INSRR: variants seen among roughly 807,000 people sequenced by gnomAD.
INSRR encodes insulin receptor-related protein.
A neutral mutation model predicts 130.0 loss-of-function variants in INSRR; 114 were observed. That is an observed-to-expected ratio of 0.88 (90% CI 0.75 to 1.02). The LOEUF (loss-of-function observed/expected upper bound fraction) is 1.02. Ranked by LOEUF, INSRR falls within the 50% of genes least tolerant of loss-of-function variation. INSRR has a pLI of 0.00. For missense variants in INSRR, 1,657 were observed against 1,735.2 expected, an observed-to-expected ratio of 0.95 and a Z score of 0.80; for synonymous variants, 674 against 705.2, an observed-to-expected ratio of 0.96 and a Z score of 0.70.
Position 156,845,244 on chromosome 1 carries a change from T to C in INSRR, c.2269A>G (p.Ser757Gly). 6.2e-7 allele frequency: 1 copy of C among 1,611,154 alleles called. No individual in the cohort carries two copies. Among genetic ancestry groups the C allele is most frequent in the Non-Finnish European group, 8.5e-7 (1 of 1,178,890 alleles). The change falls in exon 12 of 22, where the codon AGC (serine) becomes GGC (glycine). Residue 757 changes from serine (S) to glycine (G), a missense_variant. Physicochemically the swap from Ser to Gly is moderately conservative, Grantham distance 56. Transcript: ENST00000368195. ...TCCTCCTGGATCTCGAAATCCGAGC[T>C]GTTGCCCCCCAGCCGGAGGGGCCCA... Reference protein sequence around the residue: ...AAGPLRLGGNSSDFEIQEDKV... With the variant: ...AAGPLRLGGNGSDFEIQEDKV...
chr1:156,850,216 T>C (rs1225740673), intron 5 of INSRR, among the ~76,000 whole-genome samples: 1 of 151,868 alleles, frequency 6.6e-6, no homozygotes, highest in East Asian at 1.9e-4. Context: ...TGGTTATTTA[T>C]TTATGTATGT....
chr1:156,852,551 C>T lies in INSRR; in HGVS notation c.638-360G>A, dbSNP rs369869789. Reference sequence around the variant, plus strand: ...ATGGTGCCAGGGTGAGCGGGCCAGCCTCTCCTGAGCAGCTAGGCCCAGGGG... The same window carrying T: ...ATGGTGCCAGGGTGAGCGGGCCAGCTTCTCCTGAGCAGCTAGGCCCAGGGG... On this transcript the variant is annotated intron_variant, in intron 2 of 21. Transcript: ENST00000368195. Among the ~76,000 whole-genome samples the T allele has an allele frequency of 1.4e-3, 217 of 152,368 alleles. 7 individuals carry two copies. The South Asian group carries it at 0.044, about 31-fold the overall frequency.
Position 156,845,819 on chromosome 1 carries a change from C to A in INSRR, c.1979-5G>T, listed in dbSNP as rs763153726. 1.2e-6 allele frequency: 2 copies of A among 1,611,464 alleles called. No individual in the cohort carries two copies. Among genetic ancestry groups the A allele is most frequent in the Non-Finnish European group, 1.7e-6 (2 of 1,179,556 alleles). ...TGCTGGTGGGCAGCCGCAAGCCTGG[C>A]GCCGCAGCGGGAAGACACTAGTAAG... On this transcript the variant is annotated splice_polypyrimidine_tract_variant and splice_region_variant and intron_variant, in intron 9 of 21. Coordinates refer to ENST00000368195, the MANE Select transcript of INSRR (RefSeq NM_014215.3).
In INSRR at chr1:156,844,764, T is replaced by A; in HGVS notation, c.2517A>T (p.Pro839=). ...KNSVLLRWLE[P]PDPNGLILKY... Reference sequence around the variant, plus strand: ...TGAGGATGAGTCCGTTGGGGTCTGGTGGCTCGAGCCAGCGCAGAAGGACAC... The same window carrying A: ...TGAGGATGAGTCCGTTGGGGTCTGGAGGCTCGAGCCAGCGCAGAAGGACAC... Residue 839 remains proline, a synonymous_variant, in exon 13 of 22, where the codon CCA becomes CCT. Coordinates refer to ENST00000368195, the MANE Select transcript of INSRR (RefSeq NM_014215.3). 6.2e-7 allele frequency: 1 copy of A among 1,614,144 alleles called. No individual in the cohort carries two copies. Among genetic ancestry groups the A allele is most frequent in the Non-Finnish European group, 8.5e-7 (1 of 1,180,034 alleles).
At chr1:156,846,367 C>T in intron 8 of INSRR, 152 bp downstream of exon 8, 1 of 748,580 alleles carries the variant, frequency 1.3e-6, no homozygotes, top group Non-Finnish European at 2.2e-6. Flanking sequence ...TAGGCAAATG[C>T]TCCCCCTTCT....
rs1192788272 is a variant in INSRR at position 156,858,527 on chromosome 1, G to A, written c.85+10C>T. Reference sequence around the variant, plus strand: ...AGGTAGGGGTCTGGGAGCCAGTTCTGGGGACTCACCCTCTACTGTATCCAG... The same window carrying A: ...AGGTAGGGGTCTGGGAGCCAGTTCTAGGGACTCACCCTCTACTGTATCCAG... On this transcript the variant is annotated intron_variant, in intron 1 of 21. Transcript: ENST00000368195. The A allele has an allele frequency of 6.2e-7, 1 of 1,611,214 alleles. No homozygotes were observed. The highest frequency in any genetic ancestry group is 8.5e-7 in the Non-Finnish European group (1 of 1,177,556).
At chr1:156,844,406 TG>T in intron 14 of INSRR, 55 bp downstream of exon 14, 1 of 1,588,080 alleles carries the variant, frequency 6.3e-7, no homozygotes, top group Admixed American at 1.7e-5. Flanking sequence ...TGTGGTGGGC[TG>T]GGGACCAGGT....
intron 5 of INSRR, among the ~76,000 whole-genome samples, chr1:156,850,274 C>T (rs1035641579): frequency 1.3e-5 from 2 of 152,082 alleles, no homozygotes; most frequent in African/African-American, 2.4e-5. Context: ...TGTAGTGGCA[C>T]GATCTCAGCT....
At chr1:156,851,602 G>T in intron 4 of INSRR, 44 bp downstream of exon 4, 2 of 1,613,578 alleles carry the variant, frequency 1.2e-6, no homozygotes, top group South Asian at 1.1e-5. Context: ...TGGGAGGAAG[G>T]GTATGACCAG....
chr1:156,846,708 G>C lies in INSRR; in HGVS notation c.1621C>G (p.Gln541Glu). The C allele has an allele frequency of 1.2e-6, 2 of 1,614,130 alleles. No individual in the cohort carries two copies. The highest frequency in any genetic ancestry group is 1.7e-6 in the Non-Finnish European group (2 of 1,180,046). Residue 541 changes from glutamine (Q) to glutamate (E), a missense_variant, in exon 8 of 22, where the codon CAG becomes GAG. Coordinates refer to ENST00000368195, the MANE Select transcript of INSRR (RefSeq NM_014215.3). ...TCCACATCCAGCAGGTTCCAGCTCT[G>C]GGTTCCACAAGCATCTGGACCCACG... is the stretch of plus-strand genomic sequence containing the variant. ...EHVGPDACGT[Q>E]SWNLLDVELP...
At chr1:156,856,987 C>G (rs374671535) in intron 1 of INSRR, among the ~76,000 whole-genome samples, 1 of 152,154 alleles carries the variant, frequency 6.6e-6, no homozygotes, top group African/African-American at 2.4e-5. Flanking sequence ...CCCTTCCCAC[C>G]GAGCCCTCCG....
Position 156,844,279 on chromosome 1 carries a change from C to T in INSRR, c.2739G>A (p.Glu913=), listed in dbSNP as rs1654906581. The T allele has an allele frequency of 1.2e-6, 2 of 1,611,872 alleles. No individual in the cohort carries two copies. The highest frequency in any genetic ancestry group is 1.7e-6 in the Non-Finnish European group (2 of 1,178,436). ...DSVAFYILGP[E]EEDAGGLHVL... ...CATGCAGCCCCCCAGCATCCTCCTC[C>T]TCTGGCAGTCAGAGGGCAGCAGAGG... The change falls in exon 15 of 22, where the codon GAG becomes GAA. Residue 913 remains glutamate (E), a splice_region_variant and synonymous_variant. Coordinates refer to ENST00000368195, the MANE Select transcript of INSRR (RefSeq NM_014215.3).
chr1:156,842,574 T>C (rs1654840839), intron 17 of INSRR, 66 bp from the exon 18 acceptor site: 2 of 1,217,748 alleles, frequency 1.6e-6, no homozygotes, highest in Non-Finnish European at 2.4e-6. Flanking sequence ...AAAATTCTGA[T>C]CTGCTATGAC....
intron 8 of INSRR, 132 bp from the exon 9 acceptor site, chr1:156,846,251 C>T (rs1332341840): frequency 2.0e-6 from 2 of 993,570 alleles, no homozygotes; most frequent in African/African-American, 3.3e-5. Flanking sequence ...CCCCTGGCTT[C>T]CTAGAACTCA....
At chr1:156,842,575 C>A (rs768683236) in intron 17 of INSRR, 67 bp from the exon 18 acceptor site, 1 of 1,167,506 alleles carries the variant, frequency 8.6e-7, no homozygotes, top group South Asian at 1.2e-5. Context: ...AAATTCTGAT[C>A]TGCTATGACC....
chr1:156,843,389 C>G (rs780628018), intron 16 of INSRR, 38 bp downstream of exon 16: 1 of 1,609,254 alleles, frequency 6.2e-7, no homozygotes, highest in Non-Finnish European at 8.5e-7. Flanking sequence ...TCCTGTCTCC[C>G]TTTCCCACAC....
At chr1:156,849,141 T>C in intron 6 of INSRR, 94 bp from the exon 7 acceptor site, 1 of 1,598,734 alleles carries the variant, frequency 6.3e-7, no homozygotes, top group Non-Finnish European at 8.5e-7. Flanking sequence ...GTGAGACCTC[T>C]GAGGAGAACT....
chr1:156,856,673 C>G lies in INSRR; in HGVS notation c.85+1864G>C, dbSNP rs976326987. ...ATTGTTGTATACATCTCTGTCACCC[C>G]CTCCAAGGAGGGTGGGACCCTTGTT... On this transcript the variant is annotated intron_variant, in intron 1 of 21. Coordinates refer to ENST00000368195, the MANE Select transcript of INSRR (RefSeq NM_014215.3). Among the ~76,000 whole-genome samples the G allele has an allele frequency of 5.9e-5, 9 of 152,304 alleles. No individual in the cohort carries two copies. In the South Asian group the frequency reaches 1.5e-3, roughly 25 times the overall value.
intron 7 of INSRR, 88 bp downstream of exon 7, chr1:156,848,833 C>G (rs1655097783): frequency 6.8e-7 from 1 of 1,469,138 alleles, no homozygotes; most frequent in Non-Finnish European, 9.1e-7. Context: ...CATAGCCTCG[C>G]TGAGCTCCGC....
Sources: gnomAD v4.1 joint callset for allele counts (sites outside exome capture counted in the v4.1 genomes callset) on GRCh38, gnomAD v4.1.1 for gene constraint, MANE v1.5 for transcripts, NCBI Gene and HGNC (gene_info 2026-07-23, HGNC 2026-07-21) for gene names.